Variants in FHIT observed in about 807,000 individuals in gnomAD.
FHIT encodes bis(5'-adenosyl)-triphosphatase.
Under a neutral mutation model 17.9 loss-of-function variants are expected in FHIT, and 19 were observed. The ratio of observed to expected loss-of-function variants is 1.06; its 90% CI spans 0.74 to 1.56. The LOEUF is 1.56. Ranked by LOEUF, FHIT falls within the 40% of genes most tolerant of loss-of-function variation. FHIT has a pLI of 0.00. For missense variants in FHIT, 248 were observed against 189.2 expected (o/e 1.31, Z -1.82); for synonymous variants, 81 against 69.7 (o/e 1.16, Z -0.81).
At chr3:60,292,917 T>C (rs1708052100) in intron 5 of FHIT, among the ~76,000 whole-genome samples, 1 of 152,170 alleles carries the variant, frequency 6.6e-6, no homozygotes, top group Non-Finnish European at 1.5e-5. Flanking sequence ...AGAAATCTGC[T>C]GAAGTATACA....
intron 3 of FHIT, among the ~76,000 whole-genome samples, chr3:61,026,725 A>G (rs1041614840): frequency 1.3e-5 from 2 of 152,144 alleles, no homozygotes; most frequent in South Asian, 2.1e-4. Flanking sequence ...AATTCTTCCA[A>G]TGTGGCCCAG....
At chr3:61,164,631 A>AT in intron 2 of FHIT, among the ~76,000 whole-genome samples, 1 of 150,672 alleles carries the variant, frequency 6.6e-6, no homozygotes, top group East Asian at 1.9e-4. Flanking sequence ...TGTGGTAAGA[A>AT]TTTTTTTTTT....
At chr3:59,772,227 T>TAGTC (rs879925923) in intron 8 of FHIT, among the ~76,000 whole-genome samples, 26 of 152,342 alleles carry the variant, frequency 1.7e-4, no homozygotes, top group African/African-American at 6.0e-4. Flanking sequence ...AATTTGAAGT[T>TAGTC]AGAAGACCTG....
intron 4 of FHIT, chr3:60,617,701 G>A (rs1302072016): frequency 6.5e-6 from 1 of 154,236 alleles, no homozygotes; most frequent in East Asian, 1.9e-4. Flanking sequence ...CTGAGGTACT[G>A]AAGAAGAGGT....
rs1281567026 is a variant in FHIT, at chr3:60,019,415, C to CTTTTTTTTTTTTTTTTTTTTTTTTTT, written c.104-5264_104-5263insAAAAAAAAAAAAAAAAAAAAAAAAAA. 2.7e-4 allele frequency among the ~76,000 whole-genome samples: 33 copies of CTTTTTTTTTTTTTTTTTTTTTTTTTT among 121,088 alleles called. 1 individual carries two copies. Among genetic ancestry groups the CTTTTTTTTTTTTTTTTTTTTTTTTTT allele is most frequent in the Middle Eastern group, 4.5e-3 (1 of 220 alleles). The allele number at this position is 121,088 out of a possible 152,430, so 79.4% of individuals were successfully genotyped here. ...ATGGCATTTTAGAGTTGAGATGCTCCTTTTTTTTTTTTTTTTTCCTGAGAT... is the reference window on the plus strand; with the variant it reads ...ATGGCATTTTAGAGTTGAGATGCTCCTTTTTTTTTTTTTTTTTTTTTTTTTTTTTTTTTTTTTTTTTTTCCTGAGAT... On this transcript the variant is annotated intron_variant, in intron 5 of 9. Transcript: ENST00000492590.
intron 3 of FHIT, among the ~76,000 whole-genome samples, chr3:61,003,768 C>T (rs1262844185): frequency 6.6e-6 from 1 of 152,230 alleles, no homozygotes; most frequent in Non-Finnish European, 1.5e-5. Context: ...GTATATCTTA[C>T]TGAAAAGTTG....
chr3:59,921,206 A>T (rs1333128326), intron 8 of FHIT, among the ~76,000 whole-genome samples: 7 of 152,322 alleles, frequency 4.6e-5, no homozygotes, highest in Admixed American at 4.6e-4. Context: ...CATTAATTAT[A>T]CGTTTCATTA....
chr3:60,373,195 T>C (rs575716996), intron 5 of FHIT, among the ~76,000 whole-genome samples: 8 of 152,254 alleles, frequency 5.3e-5, no homozygotes, highest in Admixed American at 2.0e-4. Context: ...CATGATCTGA[T>C]TGTAATTGTG....
rs537399220 is a variant in FHIT, at chr3:60,909,446, C to T, written c.-110-87435G>A. Among the ~76,000 whole-genome samples the T allele has an allele frequency of 6.6e-5, 10 of 151,126 alleles. 1 individual carries two copies. Among genetic ancestry groups the T allele is most frequent in the South Asian group, 6.3e-4 (3 of 4,766 alleles). On this transcript the variant is annotated intron_variant, in intron 3 of 9. Coordinates refer to ENST00000492590, the MANE Select transcript of FHIT (RefSeq NM_002012.4). Reference sequence around the variant, plus strand: ...CAGAATGAGTTCATTCGTTGTGGAACGGAAACATGTTTACATTTCTGATAT... The same window carrying T: ...CAGAATGAGTTCATTCGTTGTGGAATGGAAACATGTTTACATTTCTGATAT...
At chr3:61,182,456 A>G (rs2038371663) in intron 2 of FHIT, among the ~76,000 whole-genome samples, 1 of 152,180 alleles carries the variant, frequency 6.6e-6, no homozygotes, top group African/African-American at 2.4e-5. Flanking sequence ...CCCACTGTAA[A>G]TATCCAATGT....
At chr3:61,160,707 T>C (rs1305700434) in intron 2 of FHIT, among the ~76,000 whole-genome samples, 1 of 152,194 alleles carries the variant, frequency 6.6e-6, no homozygotes, top group Non-Finnish European at 1.5e-5. Context: ...TTGGGTTAAC[T>C]CAGTGAGGAT....
At chr3:60,988,225 A>G (rs1034974448) in intron 3 of FHIT, among the ~76,000 whole-genome samples, 5 of 152,258 alleles carry the variant, frequency 3.3e-5, no homozygotes, top group South Asian at 4.1e-4. Context: ...TTGCTACAAC[A>G]TAAGAGAAAA....
chr3:60,535,086 T>C (rs1046413300), intron 5 of FHIT, among the ~76,000 whole-genome samples: 1 of 152,148 alleles, frequency 6.6e-6, no homozygotes, highest in African/African-American at 2.4e-5. Flanking sequence ...TAGCTCAGTG[T>C]GGTAGTGCCT....
At chr3:60,523,144 C>T (rs2035438362) in intron 5 of FHIT, among the ~76,000 whole-genome samples, 1 of 152,122 alleles carries the variant, frequency 6.6e-6, no homozygotes, top group Non-Finnish European at 1.5e-5. Context: ...CCACGGGCTC[C>T]CTCCCATAAC....
intron 7 of FHIT, among the ~76,000 whole-genome samples, chr3:59,999,954 G>A (rs139699933): frequency 6.6e-6 from 1 of 152,234 alleles, no homozygotes; most frequent in African/African-American, 2.4e-5. Flanking sequence ...CTTCAAGTCT[G>A]GTTAATTCAA....
intron 4 of FHIT, among the ~76,000 whole-genome samples, chr3:60,771,996 T>A (rs1553723182): frequency 6.6e-6 from 1 of 152,160 alleles, no homozygotes; most frequent in Non-Finnish European, 1.5e-5. Flanking sequence ...AGATTAGCAC[T>A]GGCACTGCTG....
chr3:59,902,759 CAG>C (rs1296503547), intron 8 of FHIT, among the ~76,000 whole-genome samples: 2 of 152,168 alleles, frequency 1.3e-5, no homozygotes, highest in African/African-American at 4.8e-5. Context: ...CTGTTAGAAA[CAG>C]AGCATGGAAT....
intron 3 of FHIT, among the ~76,000 whole-genome samples, chr3:60,949,779 G>T (rs1380841571): frequency 6.6e-6 from 1 of 152,020 alleles, no homozygotes; most frequent in Admixed American, 6.6e-5. Flanking sequence ...TTTAAAAAAA[G>T]CAGAATTAAA....
At chr3:59,757,648 AACT>A (rs1476376873) in intron 8 of FHIT, among the ~76,000 whole-genome samples, 4 of 152,166 alleles carry the variant, frequency 2.6e-5, no homozygotes, top group Non-Finnish European at 5.9e-5. Context: ...AACGGGGGAA[AACT>A]ACTTTAATGC....
Sources: gnomAD v4.1 joint callset for allele counts (sites outside exome capture counted in the v4.1 genomes callset) on GRCh38, gnomAD v4.1.1 for gene constraint, MANE v1.5 for transcripts, NCBI Gene and HGNC (gene_info 2026-07-23, HGNC 2026-07-21) for gene names.